Variants in CTNNA3 observed in about 807,000 individuals in gnomAD.
The protein encoded by CTNNA3 is catenin alpha-3.
In CTNNA3, 76 loss-of-function variants were observed where a neutral mutation model predicts 95.7. The observed-to-expected ratio is 0.79, with a 90% CI of 0.66 to 0.96. The LOEUF (loss-of-function observed/expected upper bound fraction) is 0.96, where lower values mean the gene tolerates loss of function less well. Among genes scored for constraint, CTNNA3 ranks in the 40% least tolerant of loss-of-function variants. The probability of loss-of-function intolerance (pLI) is 0.00; values close to 1 mark genes in which losing one functional copy is unlikely to be tolerated. For synonymous variants in CTNNA3, 431 were observed against 374.4 expected, an observed-to-expected ratio of 1.15 and a Z score of -1.74; for missense variants, 1,191 against 1,089.8, an observed-to-expected ratio of 1.09 and a Z score of -1.31.
At chr10:67,062,639 C>A (rs924448075) in intron 7 of CTNNA3, among the ~76,000 whole-genome samples, 2 of 152,088 alleles carry the variant, frequency 1.3e-5, no homozygotes, top group African/African-American at 4.8e-5. Context: ...TAACATTCTT[C>A]TTTGCAAATG....
At chr10:67,363,283 C>T (rs1295278064) in intron 5 of CTNNA3, among the ~76,000 whole-genome samples, 1 of 151,738 alleles carries the variant, frequency 6.6e-6, no homozygotes, top group Non-Finnish European at 1.5e-5. Context: ...TCATATAAAA[C>T]CAAAAAAGAG....
At chr10:66,691,506 T>G (rs1847536335) in intron 9 of CTNNA3, among the ~76,000 whole-genome samples, 1 of 152,290 alleles carries the variant, frequency 6.6e-6, no homozygotes, top group African/African-American at 2.4e-5. Flanking sequence ...CCTGCCTGCC[T>G]CTGTAGGCTC....
chr10:66,015,125 A>ATAAT (rs368221330), intron 15 of CTNNA3, among the ~76,000 whole-genome samples: 4 of 130,094 alleles, frequency 3.1e-5, no homozygotes, highest in East Asian at 3.1e-4. Context: ...AATAATAATA[A>ATAAT]AATAAAATAA....
intron 7 of CTNNA3, among the ~76,000 whole-genome samples, chr10:66,989,571 G>T (rs767211324): frequency 3.3e-5 from 5 of 152,118 alleles, no homozygotes; most frequent in Non-Finnish European, 7.4e-5. Flanking sequence ...ATCCATGTTA[G>T]CTAACAAACA....
chr10:65,982,293 C>A (rs137994430), intron 16 of CTNNA3, among the ~76,000 whole-genome samples: 3 of 150,172 alleles, frequency 2.0e-5, no homozygotes, highest in Middle Eastern at 3.5e-3. Context: ...AAAACCACAA[C>A]GAGATACCAC....
intron 15 of CTNNA3, among the ~76,000 whole-genome samples, chr10:66,026,604 T>G (rs1564587285): frequency 6.6e-6 from 1 of 152,140 alleles, no homozygotes; most frequent in Non-Finnish European, 1.5e-5. Flanking sequence ...CTGATAAGTA[T>G]TATGCATTTT....
intron 5 of CTNNA3, among the ~76,000 whole-genome samples, chr10:67,267,045 T>C (rs1417021436): frequency 6.6e-6 from 1 of 152,206 alleles, no homozygotes; most frequent in Non-Finnish European, 1.5e-5. Flanking sequence ...ATCTGGTCTA[T>C]CCTGACAATT....
At chr10:66,788,569 C>G (rs1334827543) in intron 7 of CTNNA3, among the ~76,000 whole-genome samples, 1 of 152,154 alleles carries the variant, frequency 6.6e-6, no homozygotes, top group Non-Finnish European at 1.5e-5. Context: ...ACATTCGAGA[C>G]AAGCGTGATC....
intron 11 of CTNNA3, among the ~76,000 whole-genome samples, chr10:66,428,971 T>A (rs916205514): frequency 6.6e-6 from 1 of 151,880 alleles, no homozygotes; most frequent in Non-Finnish European, 1.5e-5. Context: ...AGGAGCTGGT[T>A]TTTTGAAAAG....
At chr10:67,642,109 T>G (rs1195672595) in intron 2 of CTNNA3, among the ~76,000 whole-genome samples, 1 of 152,128 alleles carries the variant, frequency 6.6e-6, no homozygotes, top group Non-Finnish European at 1.5e-5. Flanking sequence ...GCAATAGCAT[T>G]CAGGACATAG....
At chr10:66,087,321 G>A (rs994253294) in intron 14 of CTNNA3, among the ~76,000 whole-genome samples, 1 of 151,898 alleles carries the variant, frequency 6.6e-6, no homozygotes, top group South Asian at 2.1e-4. Context: ...TAAACTTTCC[G>A]CTCTTAAACC....
intron 10 of CTNNA3, among the ~76,000 whole-genome samples, chr10:66,560,176 A>C (rs958471123): frequency 6.6e-6 from 1 of 152,060 alleles, no homozygotes; most frequent in African/African-American, 2.4e-5. Context: ...TCATAATAAA[A>C]ACTCCTTGTG....
rs908157055 is a variant in CTNNA3 at position 66,319,161 on chromosome 10, G to T, written c.1733-38540C>A. On this transcript the variant is annotated intron_variant, in intron 12 of 17. Transcript: ENST00000433211. ...TATAAATGGGAATAATAATAAAAAT[G>T]GGAATAATTACTTGATCATAATCAA... 2.0e-5 allele frequency among the ~76,000 whole-genome samples: 3 copies of T among 151,978 alleles called. No homozygotes were observed. In the East Asian group the frequency reaches 5.8e-4, roughly 29 times the overall value.
At chr10:67,079,206 C>T (rs572482023) in intron 7 of CTNNA3, among the ~76,000 whole-genome samples, 2 of 152,266 alleles carry the variant, frequency 1.3e-5, no homozygotes, top group South Asian at 4.1e-4. Flanking sequence ...GCAAGGTTAA[C>T]TTATGAGCAC....
At chr10:67,575,940 G>A (rs776028392) in intron 3 of CTNNA3, among the ~76,000 whole-genome samples, 1 of 152,138 alleles carries the variant, frequency 6.6e-6, no homozygotes, top group Admixed American at 6.6e-5. Context: ...TACACCCAGT[G>A]GACCTCCTAG....
intron 9 of CTNNA3, among the ~76,000 whole-genome samples, chr10:66,625,265 C>T (rs193254332): frequency 2.0e-5 from 3 of 152,202 alleles, no homozygotes; most frequent in East Asian, 3.9e-4. Flanking sequence ...CATGGCTGAC[C>T]TTATTGCCCT....
chr10:66,034,323 A>G (rs963111001), intron 15 of CTNNA3, among the ~76,000 whole-genome samples: 1 of 152,172 alleles, frequency 6.6e-6, no homozygotes, highest in Non-Finnish European at 1.5e-5. Context: ...GATACTGTGA[A>G]GTTCTCGGCA....
chr10:67,302,215 T>C (rs1840354512), intron 5 of CTNNA3, among the ~76,000 whole-genome samples: 1 of 151,804 alleles, frequency 6.6e-6, no homozygotes, highest in Non-Finnish European at 1.5e-5. Context: ...TCTAAAAAAG[T>C]TGAACTCACA....
intron 8 of CTNNA3, among the ~76,000 whole-genome samples, chr10:66,768,701 T>C (rs1170695107): frequency 1.4e-4 from 21 of 152,058 alleles, no homozygotes; most frequent in Admixed American, 1.3e-3. Context: ...TGGAAATTCA[T>C]GATCCCTTAT....
Sources: gnomAD v4.1 joint callset for allele counts (sites outside exome capture counted in the v4.1 genomes callset) on GRCh38, gnomAD v4.1.1 for gene constraint, MANE v1.5 for transcripts, NCBI Gene and HGNC (gene_info 2026-07-23, HGNC 2026-07-21) for gene names.